Variants in SLC4A11 observed in about 807,000 individuals in gnomAD.
SLC4A11 encodes the protein bicarbonate transporter related protein 1.
SLC4A11 carries 74 observed loss-of-function variants against 95.0 expected under a neutral mutation model. That is an observed-to-expected ratio of 0.78 (90% CI 0.65 to 0.95). The LOEUF (loss-of-function observed/expected upper bound fraction) is 0.95. Among genes scored for constraint, SLC4A11 ranks in the 40% least tolerant of loss-of-function variants. SLC4A11 has a pLI of 0.00. For synonymous variants in SLC4A11, 548 were observed against 519.0 expected, an observed-to-expected ratio of 1.06 and a Z score of -0.76; for missense variants, 1,081 against 1,192.4, an observed-to-expected ratio of 0.91 and a Z score of 1.38.
chr20:3,238,213 T>G (rs2068050430), intron 1 of SLC4A11: 1 of 1,406,378 alleles, frequency 7.1e-7, no homozygotes, highest in South Asian at 1.7e-5. Flanking sequence ...GTGGGAGGAG[T>G]ATCTGAGGGA....
chr20:3,228,865 C>G lies in SLC4A11; in HGVS notation c.2165G>C (p.Arg722Pro). 1 of 1,613,910 alleles carries G rather than the reference C, an allele frequency of 6.2e-7. No individual in the cohort carries two copies. Residue 722 changes from arginine (R) to proline (P), a missense_variant, in exon 17 of 20, where the codon CGT (arginine) becomes CCT (proline). This residue lies in a region of SLC4A11 where 767 missense variants were observed against 858.0 expected (regional missense o/e 0.89). Coordinates refer to ENST00000642402, the MANE Select transcript of SLC4A11 (RefSeq NM_001174089.2). ...GTCATAGATGTGTCCGTTCTCCACA[C>G]GCTCCTCCACTAAGGCCAGGGCTCG... is the stretch of plus-strand genomic sequence containing the variant. ...HVRALALVEE[R>P]VENGHIYDTI...
chr20:3,229,139 G>A lies in SLC4A11; in HGVS notation c.1974C>T (p.Ile658=), dbSNP rs374263457. Residue 658 remains isoleucine, a synonymous_variant, in exon 16 of 20, where the codon ATC becomes ATT. Coordinates refer to ENST00000642402, the MANE Select transcript of SLC4A11 (RefSeq NM_001174089.2). The part of the protein sequence containing the change: ...LGFLLSMLFF[I]EQNLVAALVN... Reference sequence around the variant, plus strand: ...CCAAGGCGGCCACCAAGTTCTGCTCGATGAAGAAGAGCATGGACAGCAGGA... The same window carrying A: ...CCAAGGCGGCCACCAAGTTCTGCTCAATGAAGAAGAGCATGGACAGCAGGA... 1.2e-5 allele frequency: 19 copies of A among 1,603,138 alleles called. No individual in the cohort carries two copies. Among genetic ancestry groups the A allele is most frequent in the Middle Eastern group, 1.7e-4 (1 of 6,052 alleles).
At chr20:3,229,068 C>T in intron 16 of SLC4A11, 27 bp downstream of exon 16, 2 of 1,552,646 alleles carry the variant, frequency 1.3e-6, no homozygotes, top group South Asian at 2.4e-5. Flanking sequence ...GGGCCCCGCC[C>T]ACCCCACCCT....
In SLC4A11 at chr20:3,231,516, G is replaced by C. The variant is rs2067777747; in HGVS notation, c.762C>G (p.Arg254=). 1 of 1,613,852 alleles carries C rather than the reference G, an allele frequency of 6.2e-7. No homozygotes were observed. Among genetic ancestry groups the C allele is most frequent in the Non-Finnish European group, 8.5e-7 (1 of 1,180,036 alleles). ...KSTKTAMEVA[R]TFATMFSDIA... Reference sequence around the variant, plus strand: ...TATCCGAGAACATGGTGGCAAACGTGCGCGCCACCTCCATCGCAGTCTTAG... The same window carrying C: ...TATCCGAGAACATGGTGGCAAACGTCCGCGCCACCTCCATCGCAGTCTTAG... Residue 254 remains arginine (R), a synonymous_variant, in exon 8 of 20, where the codon CGC becomes CGG. Coordinates refer to ENST00000642402, the MANE Select transcript of SLC4A11 (RefSeq NM_001174089.2). This position sits in a 1 kb window ranked among gnomAD's most constrained non-coding sequence, Gnocchi z 5.2.
Position 3,230,853 on chromosome 20 carries a change from G to C in SLC4A11, c.1169-8C>G, listed in dbSNP as rs1342132333. The C allele has an allele frequency of 2.5e-6, 4 of 1,613,072 alleles. No individual in the cohort carries two copies. Among genetic ancestry groups the C allele is most frequent in the Non-Finnish European group, 3.4e-6 (4 of 1,179,866 alleles). ...CTATGGTCTTCTGCACGTCTGTGGG[G>C]GTGCGGAGGTCAGGTGGGCGCCGCA... is the stretch of plus-strand genomic sequence containing the variant. On this transcript the variant is annotated splice_region_variant and splice_polypyrimidine_tract_variant and intron_variant, in intron 10 of 19. Transcript: ENST00000642402.
At position 3,228,438 on chromosome 20, in the gene SLC4A11, G is replaced by T; in HGVS notation, c.2389-10C>A. ...TCGGGGGGTACGCAGTCTGTGGGCG[G>T]CAGGGACCGGGTGTGGGCAGGCATG... is the stretch of plus-strand genomic sequence containing the variant. On this transcript the variant is annotated splice_polypyrimidine_tract_variant and intron_variant, in intron 18 of 19. Coordinates refer to ENST00000642402, the MANE Select transcript of SLC4A11 (RefSeq NM_001174089.2). The T allele has an allele frequency of 1.2e-6, 2 of 1,613,106 alleles. No homozygotes were observed. Among genetic ancestry groups the T allele is most frequent in the Non-Finnish European group, 1.7e-6 (2 of 1,179,922 alleles).
intron 7 of SLC4A11, among the ~76,000 whole-genome samples, chr20:3,232,120 G>C (rs1447454812): frequency 6.6e-6 from 1 of 152,230 alleles, no homozygotes; most frequent in Non-Finnish European, 1.5e-5. Context: ...AGCAACAAAA[G>C]TCTGTGTGAT....
At position 3,233,839 on chromosome 20, in the gene SLC4A11, C is replaced by T. The variant is rs1321713513; in HGVS notation, c.605+82G>A. 13 of 1,552,982 alleles carry T rather than the reference C, an allele frequency of 8.4e-6. No individual in the cohort carries two copies. The East Asian group carries it at 2.5e-4, about 29-fold the overall frequency. On this transcript the variant is annotated intron_variant, in intron 6 of 19. Transcript: ENST00000642402. ...CAGAGCCCCAGGACTCACAGGTGGG[C>T]TGGCCTCTGCAGGGCACAGGGGACA...
chr20:3,233,943 G>C lies in SLC4A11; in HGVS notation c.583C>G (p.Gln195Glu). Residue 195 changes from glutamine to glutamate, a missense_variant, in exon 6 of 20, where the codon CAG (glutamine) becomes GAG (glutamate). By Grantham distance (29) the Gln-to-Glu change is conservative (BLOSUM62 2). Transcript: ENST00000642402. ...VTATVTGVRY[Q>E]QSWLCIICTM... The stretch of plus-strand genomic sequence containing the variant: ...CACATGATGCAGAGCCACGACTGCT[G>C]GTACCGCACCCCTGTCACTGTGGCG... 1 of 1,613,508 alleles carries C rather than the reference G, an allele frequency of 6.2e-7. No individual in the cohort carries two copies. The highest frequency in any genetic ancestry group is 8.5e-7 in the Non-Finnish European group (1 of 1,180,020).
chr20:3,235,659 T>G (rs1466198641), intron 2 of SLC4A11, among the ~76,000 whole-genome samples: 1 of 151,978 alleles, frequency 6.6e-6, no homozygotes, highest in Non-Finnish European at 1.5e-5. Flanking sequence ...TGGTCCTCAA[T>G]TCCTGCAGCT....
In SLC4A11 at chr20:3,234,358, G is replaced by C; in HGVS notation, c.292-44C>G. ...CAGAACCACACGGGCCCATGTATGA[G>C]ATGCTGTCACTGCCTGGTCCCTCCC... is the stretch of plus-strand genomic sequence containing the variant. On this transcript the variant is annotated intron_variant, in intron 4 of 19. Transcript: ENST00000642402. This position sits in a 1 kb window ranked among gnomAD's most constrained non-coding sequence, Gnocchi z 5.8. 6.3e-7 allele frequency: 1 copy of C among 1,580,932 alleles called. No individual in the cohort carries two copies. The highest frequency in any genetic ancestry group is 8.7e-7 in the Non-Finnish European group (1 of 1,153,302).
At chr20:3,232,757 CA>C (rs1248204064) in intron 7 of SLC4A11, among the ~76,000 whole-genome samples, 3 of 152,142 alleles carry the variant, frequency 2.0e-5, no homozygotes, top group Non-Finnish European at 4.4e-5. Context: ...TACAAAACCC[CA>C]AAAGAACTAG....
chr20:3,238,063 A>AT (rs925117909), intron 1 of SLC4A11: 5 of 1,480,028 alleles, frequency 3.4e-6, no homozygotes, highest in African/African-American at 1.4e-5. Context: ...ATAAACGCCC[A>AT]TTGCAGGCGC....
chr20:3,229,060 G>GGCCCCCCCCCCCCCCCCCCCC, intron 16 of SLC4A11, 35 bp downstream of exon 16: 1 of 1,542,128 alleles, frequency 6.5e-7, no homozygotes. Flanking sequence ...AGAGGCCCGG[G>GGCCCCCCCCCCCCCCCCCCCC]CCCCGCCCAC....
chr20:3,233,811 C>G lies in SLC4A11; in HGVS notation c.605+110G>C, dbSNP rs542870391. On this transcript the variant is annotated intron_variant, in intron 6 of 19. Coordinates refer to ENST00000642402, the MANE Select transcript of SLC4A11 (RefSeq NM_001174089.2). ...CCCTCTTCTCCCAAGTTGGTTGGGC[C>G]GCCAGAGCCCCAGGACTCACAGGTG... The G allele has an allele frequency of 3.3e-6, 5 of 1,514,634 alleles. No individual in the cohort carries two copies. The East Asian group carries it at 9.0e-5, about 27-fold the overall frequency. The allele number at this position is 1,514,634 out of a possible 1,614,324, so 93.8% of individuals were successfully genotyped here.
chr20:3,237,978 C>A, intron 1 of SLC4A11: 3 of 1,549,962 alleles, frequency 1.9e-6, no homozygotes, highest in Non-Finnish European at 2.6e-6. Flanking sequence ...GCCTCTCCCC[C>A]TCTCTCCTCG....
chr20:3,237,356 C>T (rs60704773), intron 2 of SLC4A11, among the ~76,000 whole-genome samples, 188 bp downstream of exon 2: 3,182 of 133,536 alleles, frequency 0.024, 114 homozygotes, highest in African/African-American at 0.076. Flanking sequence ...GCAGCCTGCC[C>T]TCTCAGGTCC....
Position 3,239,120 on chromosome 20 carries a change from C to A in SLC4A11, c.18G>T (p.Arg6Ser). ...CGCACGGCTGCAGATGGAACACGCG[C>A]CTGGTGGCCGCGGCCATGGCACACT... MAAAT[R>S]RVFHLQPCEN... The change falls in exon 1 of 20, where the codon AGG (arginine) becomes AGT (serine). Residue 6 changes from arginine (R) to serine (S), a missense_variant. Physicochemically the swap from Arg to Ser is moderately radical, Grantham distance 110. Around this residue, in one of 3 missense-constraint regions of SLC4A11, gnomAD observed 310 missense variants for 313.5 expected, o/e 0.99. Coordinates refer to ENST00000642402, the MANE Select transcript of SLC4A11 (RefSeq NM_001174089.2). 1 of 1,477,990 alleles carries A rather than the reference C, an allele frequency of 6.8e-7. No individual in the cohort carries two copies. The highest frequency in any genetic ancestry group is 2.3e-5 in the Admixed American group (1 of 43,904). 91.6% of individuals were successfully genotyped at this position (1,477,990 alleles called of 1,614,324 possible).
At position 3,230,832 on chromosome 20, in the gene SLC4A11, G is replaced by A. The variant is rs749616088; in HGVS notation, c.1182C>T (p.Thr394=). Residue 394 remains threonine, a synonymous_variant, in exon 11 of 20, where the codon ACC becomes ACT. Transcript: ENST00000642402. ...NTDGAIDVQK[T]IAGQSIGGLL... ...GGCCCCCGATGCTCTGCCCGGCTATGGTCTTCTGCACGTCTGTGGGGGTGC... is the reference window on the plus strand; with the variant it reads ...GGCCCCCGATGCTCTGCCCGGCTATAGTCTTCTGCACGTCTGTGGGGGTGC... 1 of 1,613,364 alleles carries A rather than the reference G, an allele frequency of 6.2e-7. No homozygotes were observed. The highest frequency in any genetic ancestry group is 8.5e-7 in the Non-Finnish European group (1 of 1,179,932).
Sources: gnomAD v4.1 joint callset for allele counts (sites outside exome capture counted in the v4.1 genomes callset) on GRCh38, gnomAD v4.1.1 for gene constraint, gnomAD v4.1.1 regional missense constraint, Gnocchi (gnomAD v3.1) non-coding constraint, MANE v1.5 for transcripts, NCBI Gene and HGNC (gene_info 2026-07-23, HGNC 2026-07-21) for gene names.